Variants in RAPGEF1 observed in about 807,000 individuals in gnomAD.
RAPGEF1 encodes the protein Rap guanine nucleotide exchange factor 1.
A neutral mutation model predicts 143.3 loss-of-function variants in RAPGEF1; 33 were observed. The ratio of observed to expected loss-of-function variants is 0.23; its 90% confidence interval spans 0.17 to 0.31. The LOEUF (loss-of-function observed/expected upper bound fraction) is 0.31. Among genes scored for constraint, RAPGEF1 ranks in the 10% least tolerant of loss-of-function variants. The pLI is 1.00. For synonymous variants in RAPGEF1, 629 were observed against 676.5 expected, an observed-to-expected ratio of 0.93 and a Z score of 1.09; for missense variants, 1,199 against 1,645.4, an observed-to-expected ratio of 0.73 and a Z score of 4.69.
rs1414314938 is a variant in RAPGEF1, at chr9:131,583,948, G to A, written c.3414+363C>T. ...AACTCACCCAACATCATGTTGGGCTGTTCACAGTGCGTCCCCAGCACCTAC... is the reference window on the plus strand; with the variant it reads ...AACTCACCCAACATCATGTTGGGCTATTCACAGTGCGTCCCCAGCACCTAC... On this transcript the variant is annotated intron_variant, in intron 24 of 26. Coordinates refer to ENST00000683357, the MANE Select transcript of RAPGEF1 (RefSeq NM_001377935.1). The surrounding 1 kb of genome is among the most constrained non-coding windows in gnomAD (Gnocchi z 4.7). Among the ~76,000 whole-genome samples the A allele has an allele frequency of 6.6e-6, 1 of 152,236 alleles. No homozygotes were observed. Among genetic ancestry groups the A allele is most frequent in the African/African-American group, 2.4e-5 (1 of 41,464 alleles).
intron 14 of RAPGEF1, among the ~76,000 whole-genome samples, chr9:131,603,448 A>G (rs556847883): frequency 1.3e-5 from 2 of 152,334 alleles, no homozygotes; most frequent in African/African-American, 4.8e-5. Flanking sequence ...TGGCTCCCTC[A>G]GGAGGGGGTG....
rs891110964 is a variant in RAPGEF1, at chr9:131,621,405, T to C, written c.1905+391A>G. 1.3e-5 allele frequency among the ~76,000 whole-genome samples: 2 copies of C among 152,244 alleles called. No individual in the cohort carries two copies. Among genetic ancestry groups the C allele is most frequent in the African/African-American group, 4.8e-5 (2 of 41,464 alleles). ...TGCCAATCAAGTCCACAGATGGCTGTGCACAGACCATGTCCTGTGCTTTGA... is the reference window on the plus strand; with the variant it reads ...TGCCAATCAAGTCCACAGATGGCTGCGCACAGACCATGTCCTGTGCTTTGA... On this transcript the variant is annotated intron_variant, in intron 11 of 26. Coordinates refer to ENST00000683357, the MANE Select transcript of RAPGEF1 (RefSeq NM_001377935.1). This position sits in a 1 kb window ranked among gnomAD's most constrained non-coding sequence, Gnocchi z 4.5.
At chr9:131,608,365 A>G (rs1183761301) in intron 12 of RAPGEF1, among the ~76,000 whole-genome samples, 1 of 152,234 alleles carries the variant, frequency 6.6e-6, no homozygotes, top group Non-Finnish European at 1.5e-5. Flanking sequence ...CACCTAATAC[A>G]TAGTCTAGGC....
intron 1 of RAPGEF1, among the ~76,000 whole-genome samples, chr9:131,654,236 GAA>G (rs530928449): frequency 6.8e-6 from 1 of 146,522 alleles, no homozygotes; most frequent in Admixed American, 6.8e-5. Flanking sequence ...TGAATTACTA[GAA>G]AAAAAAAAGA....
chr9:131,737,251 A>G (rs925388479), intron 1 of RAPGEF1, among the ~76,000 whole-genome samples: 1 of 151,830 alleles, frequency 6.6e-6, no homozygotes, highest in African/African-American at 2.4e-5. Context: ...TTCCTCCCAC[A>G]CTTTCCGCAG....
At chr9:131,598,656 A>G (rs550284732) in intron 15 of RAPGEF1, 2 of 432,910 alleles carry the variant, frequency 4.6e-6, no homozygotes, top group East Asian at 1.3e-4. Context: ...AGGGGCAAGC[A>G]GAATGGGAGA....
rs370258316 is a variant in RAPGEF1 at position 131,582,623 on chromosome 9, G to A, written c.3494C>T (p.Pro1165Leu). ...TACTCACAGGTACGGGATGCACGGCGGTTCCACCTCCGAGAGGGCGGCCCG... is the reference window on the plus strand; with the variant it reads ...TACTCACAGGTACGGGATGCACGGCAGTTCCACCTCCGAGAGGGCGGCCCG... The part of the protein sequence containing the change: ...AYRAALSEVE[P>L]PCIPYLGLIL... Residue 1165 changes from proline (P) to leucine (L), a missense_variant, in exon 25 of 27, where the codon CCG becomes CTG. Around this residue, in one of 6 missense-constraint regions of RAPGEF1, gnomAD observed 209 missense variants for 403.0 expected, o/e 0.52. Coordinates refer to ENST00000683357, the MANE Select transcript of RAPGEF1 (RefSeq NM_001377935.1). The A allele has an allele frequency of 1.3e-5, 20 of 1,531,096 alleles. No individual in the cohort carries two copies. Among genetic ancestry groups the A allele is most frequent in the Middle Eastern group, 1.7e-4 (1 of 5,836 alleles). 94.8% of individuals were successfully genotyped at this position (1,531,096 alleles called of 1,614,324 possible).
At chr9:131,635,838 A>G (rs1347065804) in intron 5 of RAPGEF1, among the ~76,000 whole-genome samples, 2 of 152,238 alleles carry the variant, frequency 1.3e-5, no homozygotes, top group Non-Finnish European at 2.9e-5. Flanking sequence ...GGCAAGGGGC[A>G]GCCATTTATG....
Position 131,650,846 on chromosome 9 carries a change from C to G in RAPGEF1, c.165G>C (p.Glu55Asp), listed in dbSNP as rs1232094776. Residue 55 changes from glutamate to aspartate, a missense_variant, in exon 2 of 27, where the codon GAG (glutamate) becomes GAC (aspartate). Coordinates refer to ENST00000683357, the MANE Select transcript of RAPGEF1 (RefSeq NM_001377935.1). This position sits in a 1 kb window ranked among gnomAD's most constrained non-coding sequence, Gnocchi z 4.7. The part of the protein sequence containing the change: ...RTPSKKGKPA[E>D]VSVKIPEKPV... ...GCTTCTCTGGAATCTTTACGGACAC[C>G]TCAGCTGGTTTTCCCTTCTTTGATG... The G allele has an allele frequency of 6.2e-6, 10 of 1,614,026 alleles. No homozygotes were observed. In the South Asian group the frequency reaches 1.1e-4, roughly 18 times the overall value.
chr9:131,579,758 A>T, intron 26 of RAPGEF1, 111 bp from the exon 27 acceptor site: 3 of 1,185,950 alleles, frequency 2.5e-6, no homozygotes, highest in Non-Finnish European at 3.5e-6. Context: ...CCTCGCAGCA[A>T]ACGGATGCTG....
chr9:131,591,999 T>C (rs1954361433), intron 18 of RAPGEF1, 100 bp downstream of exon 18: 3 of 904,358 alleles, frequency 3.3e-6, no homozygotes, highest in Non-Finnish European at 3.5e-6. Flanking sequence ...CCACCCAATA[T>C]GCTGCTCGGC....
intron 1 of RAPGEF1, among the ~76,000 whole-genome samples, chr9:131,663,999 C>T (rs1318653482): frequency 6.6e-6 from 1 of 152,082 alleles, no homozygotes; most frequent in African/African-American, 2.4e-5. Flanking sequence ...AAGTAATAGG[C>T]CCCCACCCTT....
intron 1 of RAPGEF1, among the ~76,000 whole-genome samples, chr9:131,666,019 A>G (rs1830369918): frequency 6.6e-6 from 1 of 152,268 alleles, no homozygotes; most frequent in African/African-American, 2.4e-5. Context: ...TCATAAAATA[A>G]ATAAGTGCTT....
chr9:131,579,904 C>G (rs1029069003), intron 26 of RAPGEF1, among the ~76,000 whole-genome samples: 3 of 152,222 alleles, frequency 2.0e-5, no homozygotes, highest in Admixed American at 1.3e-4. Context: ...CCACTGCCCC[C>G]AACAACGCAT....
At chr9:131,672,152 A>G (rs956048618) in intron 1 of RAPGEF1, among the ~76,000 whole-genome samples, 1 of 152,242 alleles carries the variant, frequency 6.6e-6, no homozygotes, top group Non-Finnish European at 1.5e-5. Context: ...CTAAGGACCA[A>G]GCACAGGTGC....
intron 5 of RAPGEF1, among the ~76,000 whole-genome samples, chr9:131,632,322 G>C (rs971231045): frequency 5.4e-5 from 7 of 129,174 alleles, no homozygotes; most frequent in African/African-American, 1.9e-4. Context: ...TGTATTTTTA[G>C]TAGAGACGGG....
In RAPGEF1 at chr9:131,587,938, G is replaced by A. The variant is rs1248561652; in HGVS notation, c.3138+4C>T. On this transcript the variant is annotated splice_donor_region_variant and intron_variant, in intron 21 of 26. Transcript: ENST00000683357. ...TGGCTCCCCCTGGCAGGAGCAGCCT[G>A]TACCTCTATTTTATAGAAGAGCTCA... 1 of 1,609,362 alleles carries A rather than the reference G, an allele frequency of 6.2e-7. No individual in the cohort carries two copies. The highest frequency in any genetic ancestry group is 1.1e-5 in the South Asian group (1 of 90,454).
chr9:131,621,356 C>T lies in RAPGEF1; in HGVS notation c.1905+440G>A, dbSNP rs1455201845. ...CCCCGGCCAAGGCTGGGTTGTAAGT[C>T]ACTCTACACAGTTAGGCCCATTATG... On this transcript the variant is annotated intron_variant, in intron 11 of 26. Coordinates refer to ENST00000683357, the MANE Select transcript of RAPGEF1 (RefSeq NM_001377935.1). This position sits in a 1 kb window ranked among gnomAD's most constrained non-coding sequence, Gnocchi z 4.5. Among the ~76,000 whole-genome samples, 1 of 152,214 alleles carries T rather than the reference C, an allele frequency of 6.6e-6. No individual in the cohort carries two copies. Among genetic ancestry groups the T allele is most frequent in the Non-Finnish European group, 1.5e-5 (1 of 68,046 alleles).
Position 131,735,245 on chromosome 9 carries a change from C to A in RAPGEF1, c.61+4525G>T, listed in dbSNP as rs1837341309. ...AATGAGTGACTGAAACTGACACATG[C>A]AGTCCAAGGACCTTCTTCCCTTCAG... On this transcript the variant is annotated intron_variant, in intron 1 of 26. Transcript: ENST00000683357. Among the ~76,000 whole-genome samples, 4 of 152,312 alleles carry A rather than the reference C, an allele frequency of 2.6e-5. 1 individual carries two copies. In the South Asian group the frequency reaches 8.3e-4, roughly 32 times the overall value.
Sources: gnomAD v4.1 joint callset for allele counts (sites outside exome capture counted in the v4.1 genomes callset) on GRCh38, gnomAD v4.1.1 for gene constraint, gnomAD v4.1.1 regional missense constraint, Gnocchi (gnomAD v3.1) non-coding constraint, MANE v1.5 for transcripts, NCBI Gene and HGNC (gene_info 2026-07-23, HGNC 2026-07-21) for gene names.